BAZ1B: variants seen among roughly 807,000 people sequenced by gnomAD.
BAZ1B encodes the protein bromodomain adjacent to zinc finger domain 1B.
In BAZ1B, 22 loss-of-function variants were observed where a neutral mutation model predicts 153.8. That is an observed-to-expected ratio of 0.14 (90% CI 0.10 to 0.20). The LOEUF is 0.20. BAZ1B is among the 10% of genes least tolerant of loss of function. The pLI is 1.00. For missense variants in BAZ1B, 1,325 were observed against 1,799.3 expected (o/e 0.74, Z 4.77); for synonymous variants, 676 against 633.4 (o/e 1.07, Z -1.01).
chr7:73,459,659 A>G lies in BAZ1B; in HGVS notation c.3309T>C (p.Ser1103=). The change falls in exon 13 of 20, where the codon AGT becomes AGC. Residue 1103 remains serine (S), a synonymous_variant. Coordinates refer to ENST00000339594, the MANE Select transcript of BAZ1B (RefSeq NM_032408.4). Reference sequence around the variant, plus strand: ...AGCCTTGGAGAAATTTCTTTATGACACTGGCCTGAAGGGCAATCACACACT... The same window carrying G: ...AGCCTTGGAGAAATTTCTTTATGACGCTGGCCTGAAGGGCAATCACACACT... ...FGECVIALQA[S]VIKKFLQGFM... The G allele has an allele frequency of 6.2e-7, 1 of 1,613,980 alleles. No individual in the cohort carries two copies. Among genetic ancestry groups the G allele is most frequent in the Non-Finnish European group, 8.5e-7 (1 of 1,180,014 alleles).
intron 1 of BAZ1B, among the ~76,000 whole-genome samples, chr7:73,520,481 T>C (rs1331723014): frequency 6.6e-6 from 1 of 152,146 alleles, no homozygotes; most frequent in African/African-American, 2.4e-5. Flanking sequence ...TCTACTCCTC[T>C]TTCATCATTT....
At chr7:73,509,324 A>AAAAC (rs376902026) in intron 2 of BAZ1B, among the ~76,000 whole-genome samples, 2 of 152,210 alleles carry the variant, frequency 1.3e-5, no homozygotes, top group South Asian at 2.1e-4. Context: ...TCAGTCTCAA[A>AAAAC]AAACAAACAA....
intron 4 of BAZ1B, among the ~76,000 whole-genome samples, chr7:73,495,717 C>A (rs1185445914): frequency 2.0e-5 from 3 of 152,192 alleles, no homozygotes; most frequent in African/African-American, 7.2e-5. Flanking sequence ...AGAATGAGAT[C>A]ATGTCCTTTG....
At chr7:73,514,328 C>T (rs181209066) in intron 1 of BAZ1B, among the ~76,000 whole-genome samples, 71 of 152,124 alleles carry the variant, frequency 4.7e-4, no homozygotes, top group African/African-American at 1.6e-3. Context: ...GTCAGGAGTT[C>T]GAGACCAGCG....
At chr7:73,503,816 C>T (rs184962043) in intron 3 of BAZ1B, among the ~76,000 whole-genome samples, 6 of 152,230 alleles carry the variant, frequency 3.9e-5, no homozygotes, top group Admixed American at 3.3e-4. Context: ...ACCAAGACTC[C>T]CCTTGCCCTC....
chr7:73,465,353 A>T, intron 11 of BAZ1B, 86 bp downstream of exon 11: 1 of 893,642 alleles, frequency 1.1e-6, no homozygotes. Context: ...TTAGTAACTT[A>T]AATGGATAAG....
At chr7:73,481,094 C>T (rs917036458) in intron 6 of BAZ1B, among the ~76,000 whole-genome samples, 3 of 151,964 alleles carry the variant, frequency 2.0e-5, no homozygotes, top group Non-Finnish European at 4.4e-5. Context: ...ACCTGGCTAA[C>T]TTTTGTATTT....
intron 7 of BAZ1B, among the ~76,000 whole-genome samples, chr7:73,473,199 C>G (rs551227408): frequency 6.6e-6 from 1 of 152,298 alleles, no homozygotes; most frequent in South Asian, 2.1e-4. Context: ...CTCAGCCTCC[C>G]GAAGTGTAGG....
intron 12 of BAZ1B, among the ~76,000 whole-genome samples, chr7:73,460,958 T>TC (rs1491214731): frequency 7.1e-6 from 1 of 141,206 alleles, no homozygotes; most frequent in Non-Finnish European, 1.5e-5. Flanking sequence ...TATCTCTCTC[T>TC]TTTTTTTTTT....
chr7:73,477,075 G>C lies in BAZ1B; in HGVS notation c.2386C>G (p.Gln796Glu), dbSNP rs1563380358. ...EENDKKRAEK[Q>E]KRKEMEAKNK... is the part of the protein sequence containing the mutation. The stretch of plus-strand genomic sequence containing the variant: ...TTGGCTTCCATTTCTTTCCGTTTCT[G>C]TTTCTCTGCTCTCTTCTTATCATTT... Residue 796 changes from glutamine to glutamate, a missense_variant, in exon 7 of 20, where the codon CAG becomes GAG. By Grantham distance (29) the Gln-to-Glu change is conservative. This residue lies in a region of BAZ1B where 431 missense variants were observed against 563.5 expected (regional missense o/e 0.76). Transcript: ENST00000339594. This position sits in a 1 kb window ranked among gnomAD's most constrained non-coding sequence, Gnocchi z 5.6. The C allele has an allele frequency of 6.2e-7, 1 of 1,613,872 alleles. No individual in the cohort carries two copies.
chr7:73,450,775 G>C lies in BAZ1B; in HGVS notation c.3580+72C>G. ...TGTGTACACAAAATTCTTTTGGGTA[G>C]AAATGAAGATCTTGGGAATAGAAAT... On this transcript the variant is annotated intron_variant, in intron 14 of 19. Transcript: ENST00000339594. This position sits in a 1 kb window ranked among gnomAD's most constrained non-coding sequence, Gnocchi z 4.1. 1 of 1,554,550 alleles carries C rather than the reference G, an allele frequency of 6.4e-7. No individual in the cohort carries two copies. Among genetic ancestry groups the C allele is most frequent in the Non-Finnish European group, 8.8e-7 (1 of 1,134,144 alleles).
chr7:73,451,610 G>A (rs1788029399), intron 13 of BAZ1B, among the ~76,000 whole-genome samples: 1 of 152,110 alleles, frequency 6.6e-6, no homozygotes, highest in Non-Finnish European at 1.5e-5. Flanking sequence ...AGCCTTGTGT[G>A]TATAAATTTA....
At chr7:73,510,995 G>A in intron 1 of BAZ1B, 143 bp from the exon 2 acceptor site, 1 of 687,534 alleles carries the variant, frequency 1.5e-6, no homozygotes, top group South Asian at 1.8e-5. Flanking sequence ...TTGGAGGCCG[G>A]GCGCAGTGGT....
At chr7:73,445,810 G>A (rs1787813135) in intron 16 of BAZ1B, among the ~76,000 whole-genome samples, 1 of 152,140 alleles carries the variant, frequency 6.6e-6, no homozygotes, top group Non-Finnish European at 1.5e-5. Context: ...ACAGTGAGCA[G>A]TGATCATACC....
chr7:73,492,587 C>G (rs782684252), intron 5 of BAZ1B, among the ~76,000 whole-genome samples: 5 of 152,110 alleles, frequency 3.3e-5, no homozygotes, highest in African/African-American at 4.8e-5. Context: ...CTACTAATTC[C>G]TATAAGAAAG....
At chr7:73,500,159 A>C (rs1294058612) in intron 3 of BAZ1B, among the ~76,000 whole-genome samples, 3 of 152,184 alleles carry the variant, frequency 2.0e-5, no homozygotes, top group African/African-American at 7.2e-5. Flanking sequence ...GTTTAATATA[A>C]TTATAGATAT....
intron 15 of BAZ1B, 115 bp from the exon 16 acceptor site, chr7:73,447,494 CGT>C: frequency 1.6e-6 from 2 of 1,277,354 alleles, no homozygotes; most frequent in Non-Finnish European, 2.1e-6. Flanking sequence ...ATATGTATAA[CGT>C]ATGATAATTC....
chr7:73,511,187 G>C (rs1341905089), intron 1 of BAZ1B, among the ~76,000 whole-genome samples: 3 of 152,010 alleles, frequency 2.0e-5, no homozygotes, highest in Non-Finnish European at 4.4e-5. Context: ...AGAATGGCGT[G>C]AACCCGGGAG....
chr7:73,521,856 C>T lies in BAZ1B; in HGVS notation c.78G>A (p.Pro26=). 6.6e-7 allele frequency: 1 copy of T among 1,509,508 alleles called. No individual in the cohort carries two copies. The highest frequency in any genetic ancestry group is 8.9e-7 in the Non-Finnish European group (1 of 1,124,924). The allele number at this position is 1,509,508 out of a possible 1,614,324, so 93.5% of individuals were successfully genotyped here. A position where few individuals can be genotyped will look rare whatever the true frequency, so the allele number is the denominator to read the frequency against. ...LPGEEPLFTI[P]HTQEAFRTRE... is the part of the protein sequence containing the mutation. ...GGGTGCGGAAGGCCTCCTGAGTGTG[C>T]GGGATGGTGAAGAGCGGCTCCTCTC... The change falls in exon 1 of 20, where the codon CCG becomes CCA. Residue 26 remains proline, a synonymous_variant. Transcript: ENST00000339594.
Sources: allele counts gnomAD v4.1 joint callset (sites outside exome capture counted in the v4.1 genomes callset), GRCh38; gene constraint gnomAD v4.1.1; regional missense constraint gnomAD v4.1.1; non-coding constraint Gnocchi (gnomAD v3.1); transcripts MANE v1.5; gene names NCBI Gene and HGNC (gene_info 2026-07-23, HGNC 2026-07-21).